Variants in EML4 observed in about 807,000 individuals in gnomAD.
EML4 encodes EMAP like 4.
EML4 carries 72 observed loss-of-function variants against 129.0 expected under a neutral mutation model. That is an observed-to-expected ratio of 0.56 (90% CI 0.46 to 0.68). The LOEUF is 0.68. EML4 is among the 30% of genes least tolerant of loss of function. The pLI is 0.00. For synonymous variants in EML4, 532 were observed against 405.0 expected, an observed-to-expected ratio of 1.31 and a Z score of -3.77; for missense variants, 1,363 against 1,190.6, an observed-to-expected ratio of 1.14 and a Z score of -2.13.
At chr2:42,200,810 A>T (rs1572530904) in intron 1 of EML4, among the ~76,000 whole-genome samples, 1 of 152,180 alleles carries the variant, frequency 6.6e-6, no homozygotes, top group African/African-American at 2.4e-5. Context: ...TGGTGGGAGA[A>T]AGAATGTAAA....
At chr2:42,257,869 C>T (rs1441636312) in intron 3 of EML4, among the ~76,000 whole-genome samples, 1 of 151,664 alleles carries the variant, frequency 6.6e-6, no homozygotes, top group African/African-American at 2.4e-5. Flanking sequence ...TTCTGGAACT[C>T]AATCTTTGTC....
chr2:42,238,292 C>T (rs1674801348), intron 1 of EML4, among the ~76,000 whole-genome samples: 1 of 152,170 alleles, frequency 6.6e-6, no homozygotes, highest in Admixed American at 6.5e-5. Flanking sequence ...AAGAGGTCCT[C>T]ATTTTAGAGA....
At chr2:42,171,747 A>G (rs1022549540) in intron 1 of EML4, among the ~76,000 whole-genome samples, 2 of 152,154 alleles carry the variant, frequency 1.3e-5, no homozygotes, top group African/African-American at 2.4e-5. Context: ...GGTTCCTGGC[A>G]GTATTTCTGG....
intron 13 of EML4, among the ~76,000 whole-genome samples, chr2:42,298,858 T>A (rs1013948664): frequency 6.6e-6 from 1 of 152,218 alleles, no homozygotes; most frequent in Non-Finnish European, 1.5e-5. Context: ...CTTTTTGTGT[T>A]TTCTTACATG....
At chr2:42,299,283 A>C (rs548237268) in intron 13 of EML4, among the ~76,000 whole-genome samples, 1 of 152,196 alleles carries the variant, frequency 6.6e-6, no homozygotes, top group African/African-American at 2.4e-5. Flanking sequence ...AATTTTTTTT[A>C]GGATACCAAA....
At chr2:42,240,776 C>G (rs1241799350) in intron 1 of EML4, among the ~76,000 whole-genome samples, 1 of 152,120 alleles carries the variant, frequency 6.6e-6, no homozygotes, top group East Asian at 1.9e-4. Context: ...TCTAATCATC[C>G]CAAGCCTGAT....
chr2:42,226,181 T>C (rs994434031), intron 1 of EML4, among the ~76,000 whole-genome samples: 2 of 152,096 alleles, frequency 1.3e-5, no homozygotes, highest in Non-Finnish European at 2.9e-5. Flanking sequence ...AGATTGAATC[T>C]ATTAGATCTT....
At chr2:42,199,831 G>A (rs1408401496) in intron 1 of EML4, among the ~76,000 whole-genome samples, 1 of 152,090 alleles carries the variant, frequency 6.6e-6, no homozygotes, top group East Asian at 1.9e-4. Flanking sequence ...CTAGTCAGAT[G>A]GTAAATGTAT....
chr2:42,314,338 G>T (rs1669117567), intron 17 of EML4, among the ~76,000 whole-genome samples: 2 of 152,060 alleles, frequency 1.3e-5, no homozygotes, highest in Admixed American at 6.6e-5. Flanking sequence ...CAGCCTGGGG[G>T]ATGAAAGCAA....
At chr2:42,216,824 C>T (rs796220932) in intron 1 of EML4, among the ~76,000 whole-genome samples, 4 of 152,138 alleles carry the variant, frequency 2.6e-5, no homozygotes, top group Non-Finnish European at 5.9e-5. Flanking sequence ...AAATTAAATA[C>T]TGCTTATTGT....
In EML4 at chr2:42,326,248, A is replaced by G. The variant is rs750085666; in HGVS notation, c.2337A>G (p.Val779=). ...TTYTCVLGFQ[V]FGVWPEGSDG... ...ATACCTGTGTGCTAGGATTTCAAGT[A>G]TTTGGTAAGGAAATGACACCTGATG... is the stretch of plus-strand genomic sequence containing the variant. The change falls in exon 21 of 23, where the codon GTA becomes GTG. Residue 779 remains valine (V), a synonymous_variant. Coordinates refer to ENST00000318522, the MANE Select transcript of EML4 (RefSeq NM_019063.5). 22 of 1,608,418 alleles carry G rather than the reference A, an allele frequency of 1.4e-5. No individual in the cohort carries two copies. The highest frequency in any genetic ancestry group is 1.7e-5 in the Non-Finnish European group (20 of 1,176,534).
At chr2:42,242,920 AAC>A (rs1212193541) in intron 1 of EML4, among the ~76,000 whole-genome samples, 1 of 151,896 alleles carries the variant, frequency 6.6e-6, no homozygotes, top group East Asian at 1.9e-4. Context: ...TGGGACTACA[AAC>A]ACGTGCCACC....
At chr2:42,273,789 T>TTTTAGTTTATTTGGTTA in intron 6 of EML4, among the ~76,000 whole-genome samples, 1 of 152,322 alleles carries the variant, frequency 6.6e-6, no homozygotes, top group Non-Finnish European at 1.5e-5. Flanking sequence ...GATTATACCC[T>TTTTAGTTTATTTGGTTA]TCTAAATTCC....
intron 1 of EML4, among the ~76,000 whole-genome samples, chr2:42,243,428 A>T (rs1206310790): frequency 7.9e-6 from 1 of 125,868 alleles, no homozygotes; most frequent in Non-Finnish European, 1.9e-5. Context: ...TAAGCATCTC[A>T]GAGTTGGACA....
At chr2:42,193,892 C>G (rs1289585249) in intron 1 of EML4, among the ~76,000 whole-genome samples, 1 of 152,056 alleles carries the variant, frequency 6.6e-6, no homozygotes, top group Non-Finnish European at 1.5e-5. Flanking sequence ...CACTATGTTG[C>G]CTGTACTGTC....
At chr2:42,253,949 C>A (rs940340075) in intron 2 of EML4, among the ~76,000 whole-genome samples, 2 of 152,112 alleles carry the variant, frequency 1.3e-5, no homozygotes, top group African/African-American at 4.8e-5. Context: ...CTTGTTCTTT[C>A]AAAAACTGTT....
At chr2:42,267,327 T>C (rs1666116640) in intron 6 of EML4, among the ~76,000 whole-genome samples, 1 of 152,236 alleles carries the variant, frequency 6.6e-6, no homozygotes, top group Non-Finnish European at 1.5e-5. Context: ...CTGTAAGTTG[T>C]ATAGCTATTT....
At chr2:42,322,996 C>A (rs979886536) in intron 19 of EML4, among the ~76,000 whole-genome samples, 21 of 151,762 alleles carry the variant, frequency 1.4e-4, no homozygotes, top group Non-Finnish European at 2.9e-5. Flanking sequence ...TGTTGATTTA[C>A]CTTCTGAAAA....
chr2:42,229,742 C>G (rs909090892), intron 1 of EML4, among the ~76,000 whole-genome samples: 1 of 152,008 alleles, frequency 6.6e-6, no homozygotes. Context: ...CAAAATAAAT[C>G]TAGAGTCTTG....
Sources: allele counts gnomAD v4.1 joint callset (sites outside exome capture counted in the v4.1 genomes callset), GRCh38; gene constraint gnomAD v4.1.1; transcripts MANE v1.5; gene names NCBI Gene and HGNC (gene_info 2026-07-23, HGNC 2026-07-21).